GLG1: variants seen among roughly 807,000 people sequenced by gnomAD.
GLG1 encodes the protein Golgi apparatus protein 1.
A neutral mutation model predicts 160.5 loss-of-function variants in GLG1; 38 were observed. The observed-to-expected ratio is 0.24, with a 90% CI of 0.18 to 0.31. The LOEUF (loss-of-function observed/expected upper bound fraction) is 0.31. Ranked by LOEUF, GLG1 falls within the 10% of genes least tolerant of loss-of-function variation. The pLI is 1.00. For missense variants in GLG1, 1,373 were observed against 1,505.2 expected, an observed-to-expected ratio of 0.91 and a Z score of 1.45; for synonymous variants, 644 against 543.4, an observed-to-expected ratio of 1.19 and a Z score of -2.57.
intron 1 of GLG1, among the ~76,000 whole-genome samples, chr16:74,576,117 A>G (rs756452977): frequency 1.2e-4 from 18 of 152,060 alleles, no homozygotes; most frequent in Non-Finnish European, 2.1e-4. Flanking sequence ...GAACTGCTTG[A>G]ACCCGGGAGG....
chr16:74,531,268 T>C (rs1214178404), intron 2 of GLG1, among the ~76,000 whole-genome samples: 1 of 152,080 alleles, frequency 6.6e-6, no homozygotes, highest in Non-Finnish European at 1.5e-5. Context: ...TAGAGTGACT[T>C]TTGCCACATA....
chr16:74,470,416 T>C (rs2015162537), intron 15 of GLG1, among the ~76,000 whole-genome samples: 1 of 143,454 alleles, frequency 7.0e-6, no homozygotes, highest in Non-Finnish European at 1.5e-5. Flanking sequence ...CATCCATCCA[T>C]CCTAAATAAA....
At chr16:74,602,437 G>A (rs961829356) in intron 1 of GLG1, among the ~76,000 whole-genome samples, 1 of 152,156 alleles carries the variant, frequency 6.6e-6, no homozygotes, top group African/African-American at 2.4e-5. Context: ...TGAAATGACA[G>A]TATCTGGGAT....
intron 1 of GLG1, among the ~76,000 whole-genome samples, chr16:74,534,856 C>A (rs981327799): frequency 2.6e-5 from 4 of 152,220 alleles, no homozygotes; most frequent in African/African-American, 9.6e-5. Context: ...GTCATTCCTT[C>A]CTAAGAGGTG....
chr16:74,510,213 T>C (rs891356497), intron 2 of GLG1, among the ~76,000 whole-genome samples: 19 of 151,234 alleles, frequency 1.3e-4, no homozygotes, highest in African/African-American at 4.4e-4. Context: ...GTATTTTTAG[T>C]AGAGATGGGG....
chr16:74,599,299 A>C (rs1457411283), intron 1 of GLG1, among the ~76,000 whole-genome samples: 1 of 152,224 alleles, frequency 6.6e-6, no homozygotes, highest in Admixed American at 6.5e-5. Flanking sequence ...ATTTCGGTCA[A>C]TACAGCCCCT....
Position 74,588,891 on chromosome 16 carries a change from A to C in GLG1, c.438+17766T>G, listed in dbSNP as rs145689685. On this transcript the variant is annotated intron_variant, in intron 1 of 25. Transcript: ENST00000422840. Reference sequence around the variant, plus strand: ...GCTAAATAGCAACTTGACTAAGAATAATCAAATAGGGAAAAGGTTGTTAGA... The same window carrying C: ...GCTAAATAGCAACTTGACTAAGAATCATCAAATAGGGAAAAGGTTGTTAGA... Among the ~76,000 whole-genome samples the C allele has an allele frequency of 3.8e-3, 582 of 152,298 alleles. 5 individuals carry two copies. The highest frequency in any genetic ancestry group is 0.01 in the Middle Eastern group (3 of 294).
chr16:74,606,519 G>A (rs1958569819), intron 1 of GLG1, 138 bp downstream of exon 1: 1 of 651,368 alleles, frequency 1.5e-6, no homozygotes, highest in Non-Finnish European at 2.5e-6. Flanking sequence ...CTGGGAGTGA[G>A]GAGCAAAGAG....
intron 1 of GLG1, among the ~76,000 whole-genome samples, chr16:74,550,460 T>C (rs1177339034): frequency 6.6e-6 from 1 of 152,064 alleles, no homozygotes; most frequent in Admixed American, 6.6e-5. Context: ...GTGGGTTTCC[T>C]AAAGTAACAG....
chr16:74,588,564 C>A (rs1034729696), intron 1 of GLG1, among the ~76,000 whole-genome samples: 1 of 152,008 alleles, frequency 6.6e-6, no homozygotes, highest in Admixed American at 6.6e-5. Context: ...GGACTACAGG[C>A]TCTCACCACC....
At chr16:74,549,229 T>C (rs2018132527) in intron 1 of GLG1, among the ~76,000 whole-genome samples, 1 of 151,790 alleles carries the variant, frequency 6.6e-6, no homozygotes, top group South Asian at 2.1e-4. Flanking sequence ...GCTTTCTATC[T>C]CTCTAGTAAA....
intron 2 of GLG1, among the ~76,000 whole-genome samples, chr16:74,517,046 T>C (rs1325731382): frequency 6.6e-6 from 1 of 152,168 alleles, no homozygotes; most frequent in Non-Finnish European, 1.5e-5. Context: ...GGTTCTGAAA[T>C]TGAGGCAATA....
chr16:74,592,235 T>C (rs1266631426), intron 1 of GLG1, among the ~76,000 whole-genome samples: 1 of 152,164 alleles, frequency 6.6e-6, no homozygotes, highest in African/African-American at 2.4e-5. Flanking sequence ...CTCCACCTCC[T>C]GGGTTCAAGC....
chr16:74,518,521 G>A (rs536004177), intron 2 of GLG1, among the ~76,000 whole-genome samples: 1 of 152,114 alleles, frequency 6.6e-6, no homozygotes, highest in South Asian at 2.1e-4. Context: ...AACTGGACCC[G>A]TTCCTTACAC....
At chr16:74,473,929 A>G (rs901276881) in intron 13 of GLG1, among the ~76,000 whole-genome samples, 1 of 149,946 alleles carries the variant, frequency 6.7e-6, no homozygotes, top group Non-Finnish European at 1.5e-5. Flanking sequence ...CTTGAATGTG[A>G]CTGTGATGTG....
chr16:74,604,341 C>A (rs1412059782), intron 1 of GLG1, among the ~76,000 whole-genome samples: 1 of 152,144 alleles, frequency 6.6e-6, no homozygotes, highest in Non-Finnish European at 1.5e-5. Context: ...TTAGAGAAGA[C>A]AAGAATTCGG....
At chr16:74,498,252 G>A (rs2016269073) in intron 4 of GLG1, among the ~76,000 whole-genome samples, 2 of 150,486 alleles carry the variant, frequency 1.3e-5, no homozygotes, top group African/African-American at 2.4e-5. Flanking sequence ...CCAACACAGT[G>A]AAACCCTGTC....
At chr16:74,487,230 GA>G (rs1290976034) in intron 8 of GLG1, among the ~76,000 whole-genome samples, 1 of 152,082 alleles carries the variant, frequency 6.6e-6, no homozygotes, top group East Asian at 1.9e-4. Context: ...TTTAATAATA[GA>G]AAGCGAATTT....
At chr16:74,582,710 T>G (rs1409662624) in intron 1 of GLG1, among the ~76,000 whole-genome samples, 1 of 151,744 alleles carries the variant, frequency 6.6e-6, no homozygotes. Context: ...TCCCAGCTAC[T>G]TGGGAGGCTG....
Sources: gnomAD v4.1 joint callset for allele counts (sites outside exome capture counted in the v4.1 genomes callset) on GRCh38, gnomAD v4.1.1 for gene constraint, MANE v1.5 for transcripts, NCBI Gene and HGNC (gene_info 2026-07-23, HGNC 2026-07-21) for gene names.